RPE65: variants seen among roughly 807,000 people sequenced by gnomAD.
RPE65 encodes retinoid isomerohydrolase.
A neutral mutation model predicts 68.5 loss-of-function variants in RPE65; 58 were observed. That is an observed-to-expected ratio of 0.85 (90% confidence interval 0.69 to 1.05). The LOEUF (loss-of-function observed/expected upper bound fraction) is 1.05. Ranked by LOEUF, RPE65 falls within the 50% of genes least tolerant of loss-of-function variation. The probability of loss-of-function intolerance (pLI) is 0.00; values close to 1 mark genes in which losing one functional copy is unlikely to be tolerated. For synonymous variants in RPE65, 220 were observed against 222.2 expected (o/e 0.99, Z 0.09); for missense variants, 643 against 629.9 (o/e 1.02, Z -0.22).
chr1:68,449,817 T>A, intron 1 of RPE65, 78 bp downstream of exon 1: 1 of 1,526,340 alleles, frequency 6.6e-7, no homozygotes, highest in Non-Finnish European at 9.1e-7. Context: ...CAATGCCTTC[T>A]CTTCAGGAGC....
intron 2 of RPE65, among the ~76,000 whole-genome samples, chr1:68,448,195 G>A (rs1645956160): frequency 1.3e-5 from 2 of 152,180 alleles, no homozygotes; most frequent in Admixed American, 6.5e-5. Context: ...GATAGAGCTA[G>A]GTTAGCATCT....
At chr1:68,438,822 ACT>A in intron 9 of RPE65, 118 bp downstream of exon 9, 1 of 1,226,210 alleles carries the variant, frequency 8.2e-7, no homozygotes, top group Non-Finnish European at 1.2e-6. Flanking sequence ...TACATTTTTG[ACT>A]CTCACATAAC....
At position 68,431,552 on chromosome 1, in the gene RPE65, T is replaced by C. The variant is rs779487067; in HGVS notation, c.1162A>G (p.Asn388Asp). ...DTGKNLVTLP[N>D]TTATAILCSD... ...CACAGAATTGCAGTGGCAGTTGTAT[T>C]GGGGAGCGTGACTAAATTCTTGCCT... The change falls in exon 11 of 14, where the codon AAT (asparagine) becomes GAT (aspartate). Residue 388 changes from asparagine (N) to aspartate (D), a missense_variant. Transcript: ENST00000262340. The C allele has an allele frequency of 6.2e-7, 1 of 1,613,896 alleles. No homozygotes were observed. The highest frequency in any genetic ancestry group is 1.1e-5 in the South Asian group (1 of 91,074).
chr1:68,436,571 C>T (rs1005610087), intron 10 of RPE65, among the ~76,000 whole-genome samples: 7 of 151,960 alleles, frequency 4.6e-5, no homozygotes, highest in South Asian at 4.2e-4. Flanking sequence ...TGGGTTCAAG[C>T]GATTCTCTTG....
intron 10 of RPE65, among the ~76,000 whole-genome samples, chr1:68,434,099 T>TAC (rs200890297): frequency 0.018 from 2,474 of 138,534 alleles, 40 homozygotes; most frequent in Middle Eastern, 0.029. Flanking sequence ...GGGATATATA[T>TAC]ATATATATAT....
In RPE65 at chr1:68,446,839, G is replaced by A; in HGVS notation, c.116C>T (p.Thr39Ile). The A allele has an allele frequency of 6.2e-7, 1 of 1,613,742 alleles. No individual in the cohort carries two copies. The highest frequency in any genetic ancestry group is 8.5e-7 in the Non-Finnish European group (1 of 1,180,044). The change falls in exon 3 of 14, where the codon ACC (threonine) becomes ATC (isoleucine). Residue 39 changes from threonine to isoleucine, a missense_variant. By Grantham distance (89) the Thr-to-Ile change is moderately conservative. Coordinates refer to ENST00000262340, the MANE Select transcript of RPE65 (RefSeq NM_000329.3). Reference protein sequence around the residue: ...HVTGRIPLWLTGSLLRCGPGL... With the variant: ...HVTGRIPLWLIGSLLRCGPGL... ...TGGCCCACATCGAAGGAGACTGCCG[G>A]TGAGCCAGAGGGGGATCCTGCCTGT...
chr1:68,439,619 A>G lies in RPE65; in HGVS notation c.667T>C (p.Ser223Pro). 6.2e-7 allele frequency: 1 copy of G among 1,613,890 alleles called. No homozygotes were observed. Among genetic ancestry groups the G allele is most frequent in the Non-Finnish European group, 8.5e-7 (1 of 1,179,790 alleles). The change falls in exon 7 of 14, where the codon TCA (serine) becomes CCA (proline). Residue 223 changes from serine (S) to proline (P), a missense_variant. By Grantham distance (74) the Ser-to-Pro change is moderately conservative (BLOSUM62 -1). Transcript: ENST00000262340. ...CAGGGGAATTGTACAACGATCTCTG[A>G]CTTGCTTATTGGATCTTCCTTGTCT... ...QADKEDPISK[S>P]EIVVQFPCSD...
intron 10 of RPE65, among the ~76,000 whole-genome samples, chr1:68,437,567 C>T (rs141077949): frequency 2.0e-4 from 31 of 152,276 alleles, no homozygotes; most frequent in African/African-American, 7.5e-4. Context: ...AGCATATATT[C>T]ACATACCTAT....
chr1:68,441,339 A>G (rs1645900924), intron 5 of RPE65, among the ~76,000 whole-genome samples: 1 of 152,134 alleles, frequency 6.6e-6, no homozygotes, highest in African/African-American at 2.4e-5. Flanking sequence ...TTATTATTGT[A>G]TTAGATTTAA....
intron 13 of RPE65, among the ~76,000 whole-genome samples, 192 bp from the exon 14 acceptor site, chr1:68,430,119 C>G (rs1464150291): frequency 1.3e-5 from 2 of 152,110 alleles, no homozygotes; most frequent in Admixed American, 6.5e-5. Context: ...CTTTATGTAC[C>G]CTACCTACAC....
rs373834001 is a variant in RPE65 at position 68,431,481 on chromosome 1, C to T, written c.1233G>A (p.Gly411=). The T allele has an allele frequency of 1.9e-6, 3 of 1,613,676 alleles. No individual in the cohort carries two copies. The African/African-American group carries it at 4.0e-5, about 22-fold the overall frequency. ...IWLEPEVLFS[G]PRQAFEFPQI... is the part of the protein sequence containing the mutation. Reference sequence around the variant, plus strand: ...TCTAGATCATCTCACCTTGACGAGGCCCTGAAAAGAGAACTTCAGGCTCCA... The same window carrying T: ...TCTAGATCATCTCACCTTGACGAGGTCCTGAAAAGAGAACTTCAGGCTCCA... Residue 411 remains glycine, a synonymous_variant, in exon 11 of 14, where the codon GGG becomes GGA. Coordinates refer to ENST00000262340, the MANE Select transcript of RPE65 (RefSeq NM_000329.3).
In RPE65 at chr1:68,439,034, A is replaced by G; in HGVS notation, c.906T>C (p.Asn302=). ...ADKKRKKYLN[N]KYRTSPFNLF... ...GGTTGAAAGGAGAAGTTCTGTATTTATTATTGAGGTACTTTTTCCTTTTTT... is the reference window on the plus strand; with the variant it reads ...GGTTGAAAGGAGAAGTTCTGTATTTGTTATTGAGGTACTTTTTCCTTTTTT... Residue 302 remains asparagine (N), a synonymous_variant, in exon 9 of 14, where the codon AAT becomes AAC. Coordinates refer to ENST00000262340, the MANE Select transcript of RPE65 (RefSeq NM_000329.3). The G allele has an allele frequency of 6.2e-7, 1 of 1,614,128 alleles. No homozygotes were observed. Among genetic ancestry groups the G allele is most frequent in the Non-Finnish European group, 8.5e-7 (1 of 1,179,980 alleles).
rs1254022517 is a variant in RPE65 at position 68,438,208 on chromosome 1, T to A, written c.1107A>T (p.Val369=). Residue 369 remains valine, a synonymous_variant, in exon 10 of 14, where the codon GTA becomes GTT. Coordinates refer to ENST00000262340, the MANE Select transcript of RPE65 (RefSeq NM_000329.3). ...TTACCTTGTCAATATTCAAAGGAAG[T>A]ACATATCTCCTAACTTCAGGTTGGG... is the stretch of plus-strand genomic sequence containing the variant. ...KAPQPEVRRY[V]LPLNIDKADT... is the part of the protein sequence containing the mutation. 3 of 1,613,990 alleles carry A rather than the reference T, an allele frequency of 1.9e-6. No individual in the cohort carries two copies. Among genetic ancestry groups the A allele is most frequent in the Admixed American group, 1.7e-5 (1 of 60,010 alleles).
At chr1:68,448,369 A>C (rs903170596) in intron 2 of RPE65, among the ~76,000 whole-genome samples, 1 of 152,208 alleles carries the variant, frequency 6.6e-6, no homozygotes, top group African/African-American at 2.4e-5. Flanking sequence ...TGAGCTAGGC[A>C]CTGACAGTTT....
chr1:68,442,705 A>G (rs1303295007), intron 5 of RPE65, among the ~76,000 whole-genome samples: 3 of 152,182 alleles, frequency 2.0e-5, no homozygotes, highest in Admixed American at 6.5e-5. Flanking sequence ...TAGCTTCTAT[A>G]TTTCTAATTA....
chr1:68,448,475 A>G, intron 2 of RPE65, 149 bp downstream of exon 2: 1 of 700,592 alleles, frequency 1.4e-6, no homozygotes, highest in South Asian at 1.6e-5. Context: ...ATGAAAGAAA[A>G]TGGGTTCTTG....
At chr1:68,430,582 G>C (rs1288962386) in intron 13 of RPE65, among the ~76,000 whole-genome samples, 2 of 151,954 alleles carry the variant, frequency 1.3e-5, no homozygotes, top group Middle Eastern at 3.4e-3. Flanking sequence ...TTTGTAATTT[G>C]AGTTGCTGTA....
chr1:68,447,718 G>A (rs1645952575), intron 2 of RPE65, among the ~76,000 whole-genome samples: 2 of 152,116 alleles, frequency 1.3e-5, no homozygotes, highest in African/African-American at 2.4e-5. Context: ...GCGTGATGGC[G>A]GGCGCCTGTA....
chr1:68,439,754 G>A, intron 6 of RPE65, 112 bp from the exon 7 acceptor site: 2 of 830,644 alleles, frequency 2.4e-6, no homozygotes, highest in African/African-American at 3.5e-5. Flanking sequence ...TTGTTTTAGA[G>A]GGGTTATTTT....
Sources: gnomAD v4.1 joint callset for allele counts (sites outside exome capture counted in the v4.1 genomes callset) on GRCh38, gnomAD v4.1.1 for gene constraint, MANE v1.5 for transcripts, NCBI Gene and HGNC (gene_info 2026-07-23, HGNC 2026-07-21) for gene names.